EXOC2: variants seen among roughly 807,000 people sequenced by gnomAD.
EXOC2 encodes the protein exocyst complex component 2.
In EXOC2, 70 loss-of-function variants were observed where a neutral mutation model predicts 131.8. That is an observed-to-expected ratio of 0.53 (90% CI 0.44 to 0.65). The LOEUF (loss-of-function observed/expected upper bound fraction) is 0.65. Ranked by LOEUF, EXOC2 falls within the 30% of genes least tolerant of loss-of-function variation. The probability of loss-of-function intolerance (pLI) is 0.00; values close to 1 mark genes in which losing one functional copy is unlikely to be tolerated. For synonymous variants in EXOC2, 411 were observed against 398.4 expected (o/e 1.03, Z -0.38); for missense variants, 923 against 1,108.6 (o/e 0.83, Z 2.38).
chr6:580,004 T>C (rs1758798364), intron 11 of EXOC2, among the ~76,000 whole-genome samples: 1 of 151,940 alleles, frequency 6.6e-6, no homozygotes, highest in South Asian at 2.1e-4. Flanking sequence ...TAAAAAACTA[T>C]ACACATTACA....
intron 24 of EXOC2, among the ~76,000 whole-genome samples, chr6:497,912 T>C (rs75267895): frequency 0.052 from 7,981 of 152,328 alleles, 345 homozygotes; most frequent in Admixed American, 0.11. Context: ...CCATTTCATA[T>C]GGGGTACCCC....
intron 11 of EXOC2, among the ~76,000 whole-genome samples, chr6:578,707 A>G (rs185411853): frequency 6.6e-5 from 10 of 152,358 alleles, no homozygotes; most frequent in Admixed American, 4.6e-4. Flanking sequence ...ATACATTTGT[A>G]TTTTTGAAAA....
intron 19 of EXOC2, among the ~76,000 whole-genome samples, chr6:555,607 T>C (rs1333638076): frequency 6.6e-6 from 1 of 152,198 alleles, no homozygotes; most frequent in Non-Finnish European, 1.5e-5. Flanking sequence ...TTTATGTGCC[T>C]GCAAAGCACT....
intron 23 of EXOC2, among the ~76,000 whole-genome samples, chr6:513,892 C>T (rs1366095761): frequency 3.3e-5 from 5 of 152,228 alleles, no homozygotes; most frequent in Admixed American, 3.3e-4. Flanking sequence ...GTTGATGTCT[C>T]TTGCTCCACA....
At chr6:600,835 T>A (rs1340451247) in intron 7 of EXOC2, among the ~76,000 whole-genome samples, 1 of 152,188 alleles carries the variant, frequency 6.6e-6, no homozygotes, top group Non-Finnish European at 1.5e-5. Flanking sequence ...TGTTGAAAAT[T>A]TTATGTGAAT....
intron 7 of EXOC2, among the ~76,000 whole-genome samples, chr6:606,977 C>A (rs1265783643): frequency 6.6e-6 from 1 of 152,220 alleles, no homozygotes; most frequent in Non-Finnish European, 1.5e-5. Flanking sequence ...CAACTGCACA[C>A]TTTGCTGTCT....
At chr6:671,603 T>G in intron 1 of EXOC2, among the ~76,000 whole-genome samples, 1 of 152,200 alleles carries the variant, frequency 6.6e-6, no homozygotes, top group East Asian at 1.9e-4. Flanking sequence ...TTTTAACATT[T>G]TAACTTCTTT....
intron 11 of EXOC2, among the ~76,000 whole-genome samples, chr6:587,953 A>G (rs927471843): frequency 1.3e-5 from 2 of 152,256 alleles, no homozygotes; most frequent in African/African-American, 4.8e-5. Context: ...CTGTTTTAGA[A>G]TAATCCAGGG....
At chr6:525,359 T>C (rs1765684028) in intron 23 of EXOC2, 1 of 152,220 alleles carries the variant, frequency 6.6e-6, no homozygotes, top group Non-Finnish European at 1.5e-5. Context: ...AAATGTCTAA[T>C]AAAATGTTGA....
chr6:692,631 G>C (rs1226424670), intron 1 of EXOC2, among the ~76,000 whole-genome samples: 1 of 152,402 alleles, frequency 6.6e-6, no homozygotes, highest in African/African-American at 2.4e-5. Context: ...CCCGCCTCGC[G>C]TTCACTTTTC....
At chr6:552,883 C>G (rs886101235) in intron 21 of EXOC2, among the ~76,000 whole-genome samples, 1 of 152,026 alleles carries the variant, frequency 6.6e-6, no homozygotes, top group Admixed American at 6.6e-5. Flanking sequence ...CACACACCCC[C>G]CCTTCAAACT....
At chr6:541,666 C>T (rs531028085) in intron 22 of EXOC2, among the ~76,000 whole-genome samples, 6 of 152,102 alleles carry the variant, frequency 3.9e-5, no homozygotes, top group South Asian at 2.1e-4. Context: ...AACAATTTTA[C>T]GCCAACAGAT....
At position 532,605 on chromosome 6, in the gene EXOC2, G is replaced by A. The variant is rs142522784; in HGVS notation, c.2244C>T (p.Ser748=). The change falls in exon 23 of 28, where the codon AGC becomes AGT. Residue 748 remains serine, a synonymous_variant. Coordinates refer to ENST00000230449, the MANE Select transcript of EXOC2 (RefSeq NM_018303.6). ...FQGIEKITQV[S]MASLKELDQR... Reference sequence around the variant, plus strand: ...GATCTAGTTCTTTCAATGAGGCCATGCTAACCTATAAACACATAATGAAGA... The same window carrying A: ...GATCTAGTTCTTTCAATGAGGCCATACTAACCTATAAACACATAATGAAGA... The A allele has an allele frequency of 9.5e-5, 150 of 1,583,044 alleles. 1 individual carries two copies. In the Admixed American group the frequency reaches 2.2e-3, roughly 23 times the overall value.
chr6:586,511 T>C (rs1481537146), intron 11 of EXOC2, among the ~76,000 whole-genome samples: 1 of 152,218 alleles, frequency 6.6e-6, no homozygotes, highest in Non-Finnish European at 1.5e-5. Context: ...AGAATTCACC[T>C]ATGTATAGCA....
At chr6:494,183 A>C (rs1002452026) in intron 25 of EXOC2, among the ~76,000 whole-genome samples, 8 of 152,250 alleles carry the variant, frequency 5.3e-5, no homozygotes, top group African/African-American at 1.9e-4. Flanking sequence ...GAAACACAGC[A>C]GAAGCTTTTG....
intron 23 of EXOC2, among the ~76,000 whole-genome samples, chr6:520,875 C>T (rs535902408): frequency 7.2e-6 from 1 of 139,694 alleles, no homozygotes; most frequent in South Asian, 2.3e-4. Flanking sequence ...AAAACCACCA[C>T]CCACCGAGCG....
chr6:532,178 T>C (rs1049779655), intron 23 of EXOC2, among the ~76,000 whole-genome samples: 1 of 152,256 alleles, frequency 6.6e-6, no homozygotes, highest in African/African-American at 2.4e-5. Context: ...ATTGTATCTA[T>C]GTGAGAAGAT....
chr6:503,579 C>G (rs546657913), intron 23 of EXOC2, among the ~76,000 whole-genome samples: 1 of 152,224 alleles, frequency 6.6e-6, no homozygotes, highest in African/African-American at 2.4e-5. Flanking sequence ...ACTATGAACC[C>G]ACAAAAACTA....
intron 23 of EXOC2, among the ~76,000 whole-genome samples, chr6:514,237 C>T (rs1318412753): frequency 6.6e-6 from 1 of 152,174 alleles, no homozygotes; most frequent in Non-Finnish European, 1.5e-5. Context: ...AAAATTTTTC[C>T]ACCTTGAAGG....
Sources: gnomAD v4.1 joint callset for allele counts (sites outside exome capture counted in the v4.1 genomes callset) on GRCh38, gnomAD v4.1.1 for gene constraint, MANE v1.5 for transcripts, NCBI Gene and HGNC (gene_info 2026-07-23, HGNC 2026-07-21) for gene names.